SYNJ2: variants seen among roughly 807,000 people sequenced by gnomAD.
SYNJ2 encodes polyphosphatidylinositol phosphatase SYNJ2.
SYNJ2 carries 116 observed loss-of-function variants against 141.3 expected under a neutral mutation model. The ratio of observed to expected loss-of-function variants is 0.82; its 90% CI spans 0.71 to 0.96. The LOEUF (loss-of-function observed/expected upper bound fraction) is 0.96, where lower values mean the gene tolerates loss of function less well. Ranked by LOEUF, SYNJ2 falls within the 40% of genes least tolerant of loss-of-function variation. The probability of loss-of-function intolerance (pLI) is 0.00; values close to 1 mark genes in which losing one functional copy is unlikely to be tolerated. For synonymous variants in SYNJ2, 745 were observed against 777.7 expected, an observed-to-expected ratio of 0.96 and a Z score of 0.70; for missense variants, 1,873 against 1,934.8, an observed-to-expected ratio of 0.97 and a Z score of 0.60.
In SYNJ2 at chr6:158,089,927, G is replaced by A. The variant is rs1783328254; in HGVS notation, c.3545G>A (p.Cys1182Tyr). 6.2e-7 allele frequency: 1 copy of A among 1,613,952 alleles called. No homozygotes were observed. The highest frequency in any genetic ancestry group is 1.3e-5 in the African/African-American group (1 of 74,932). ...NAQEAEAAIRCLLEARGGASE... is the reference protein window; with the variant it reads ...NAQEAEAAIRYLLEARGGASE... ...CAGGAGGCAGAAGCAGCAATCCGGT[G>A]TCTCCTGGAAGCCAGAGGAGGTAGG... Residue 1182 changes from cysteine (C) to tyrosine (Y), a missense_variant, in exon 25 of 27, where the codon TGT becomes TAT. Coordinates refer to ENST00000355585, the MANE Select transcript of SYNJ2 (RefSeq NM_003898.4).
intron 1 of SYNJ2, among the ~76,000 whole-genome samples, chr6:158,002,934 A>G (rs572788542): frequency 2.0e-5 from 3 of 152,312 alleles, no homozygotes; most frequent in Admixed American, 2.0e-4. Context: ...AAACTCAACT[A>G]CAAAGACTCA....
chr6:158,020,897 C>T lies in SYNJ2; in HGVS notation c.214+3607C>T, dbSNP rs377510095. Among the ~76,000 whole-genome samples, 42 of 152,260 alleles carry T rather than the reference C, an allele frequency of 2.8e-4. 1 individual carries two copies. The South Asian group carries it at 8.5e-3, about 31-fold the overall frequency. On this transcript the variant is annotated intron_variant, in intron 2 of 26. Coordinates refer to ENST00000355585, the MANE Select transcript of SYNJ2 (RefSeq NM_003898.4). Reference sequence around the variant, plus strand: ...TAAATTAGCCTTTTACATTAGAAATCGAGAAATATGCACAAAAATTCATAA... The same window carrying T: ...TAAATTAGCCTTTTACATTAGAAATTGAGAAATATGCACAAAAATTCATAA...
intron 4 of SYNJ2, among the ~76,000 whole-genome samples, chr6:158,038,128 G>A (rs1779738835): frequency 6.6e-6 from 1 of 152,176 alleles, no homozygotes; most frequent in African/African-American, 2.4e-5. Flanking sequence ...CAGCTCCTGG[G>A]GTACAGCCCG....
chr6:158,098,862 T>A lies in SYNJ2; in HGVS notation c.*2498T>A, dbSNP rs1783918149. Reference sequence around the variant, plus strand: ...TAGTCCCTTTTACATCACCATCTTCTCAGACTTCTTGCCTATTCTTAAAAT... The same window carrying A: ...TAGTCCCTTTTACATCACCATCTTCACAGACTTCTTGCCTATTCTTAAAAT... On this transcript the variant is annotated 3_prime_UTR_variant, in exon 27 of 27. Coordinates refer to ENST00000355585, the MANE Select transcript of SYNJ2 (RefSeq NM_003898.4). 6.6e-6 allele frequency: 1 copy of A among 152,270 alleles called. No individual in the cohort carries two copies. Among genetic ancestry groups the A allele is most frequent in the South Asian group, 2.1e-4 (1 of 4,830 alleles). 9.4% of individuals were successfully genotyped at this position (152,270 alleles called of 1,614,324 possible). A position where few individuals can be genotyped will look rare whatever the true frequency, so the allele number is the denominator to read the frequency against.
At chr6:158,068,272 C>A (rs12205429) in intron 12 of SYNJ2, among the ~76,000 whole-genome samples, 2 of 152,030 alleles carry the variant, frequency 1.3e-5, no homozygotes, top group Non-Finnish European at 2.9e-5. Context: ...CCTAGCTGGA[C>A]CCTGGGGAGG....
intron 7 of SYNJ2, 151 bp downstream of exon 7, chr6:158,059,504 C>T (rs963182576): frequency 1.1e-5 from 16 of 1,438,206 alleles, no homozygotes; most frequent in Middle Eastern, 2.5e-4. Context: ...GACCAGTGAA[C>T]ACGGCAGTGC....
chr6:158,076,509 A>T, intron 16 of SYNJ2, 117 bp from the exon 17 acceptor site: 1 of 1,165,086 alleles, frequency 8.6e-7, no homozygotes, highest in South Asian at 1.6e-5. Flanking sequence ...TTTCAAATGT[A>T]ATGGAGCTTC....
intron 1 of SYNJ2, among the ~76,000 whole-genome samples, chr6:158,011,237 G>A (rs1342694747): frequency 6.6e-6 from 1 of 152,148 alleles, no homozygotes; most frequent in African/African-American, 2.4e-5. Flanking sequence ...AGAACAAGCA[G>A]CAAACACAAG....
In SYNJ2 at chr6:158,033,528, G is replaced by A. The variant is rs376191774; in HGVS notation, c.559G>A (p.Gly187Arg). 4.9e-5 allele frequency: 79 copies of A among 1,614,144 alleles called. No individual in the cohort carries two copies. The highest frequency in any genetic ancestry group is 6.7e-5 in the Admixed American group (4 of 60,028). Residue 187 changes from glycine to arginine, a missense_variant, in exon 4 of 27, where the codon GGG becomes AGG. Physicochemically the swap from Gly to Arg is moderately radical, Grantham distance 125 (BLOSUM62 -2). Transcript: ENST00000355585. ...CCDWLLKIIC[G>R]VVTIRTVYAS... ...TGACTGGCTGCTGAAGATCATCTGC[G>A]GGGTGGTCACCATCCGCACCGTGTA...
At chr6:158,086,682 C>T (rs935203332) in intron 22 of SYNJ2, among the ~76,000 whole-genome samples, 173 bp from the exon 23 acceptor site, 3 of 151,974 alleles carry the variant, frequency 2.0e-5, no homozygotes, top group East Asian at 3.9e-4. Flanking sequence ...CACTGGGTGC[C>T]CTCCCCGCCC....
At chr6:158,083,946 G>A (rs1278046646) in intron 21 of SYNJ2, 55 bp from the exon 22 acceptor site, 7 of 1,587,106 alleles carry the variant, frequency 4.4e-6, no homozygotes, top group Admixed American at 1.7e-5. Flanking sequence ...ATGGAAGACT[G>A]AGCCTTTCCC....
chr6:157,982,498 C>T lies in SYNJ2; in HGVS notation c.127+410C>T, dbSNP rs979617105. On this transcript the variant is annotated intron_variant, in intron 1 of 26. Transcript: ENST00000355585. The surrounding 1 kb of genome is among the most constrained non-coding windows in gnomAD (Gnocchi z 4.0). ...TTTGGTTTGTGTTGGCGGCTCCACT[C>T]CTGGAGGGGATGGGGACAAAAGCCC... Among the ~76,000 whole-genome samples, 10 of 152,180 alleles carry T rather than the reference C, an allele frequency of 6.6e-5. No individual in the cohort carries two copies. The highest frequency in any genetic ancestry group is 2.4e-4 in the African/African-American group (10 of 41,426).
At chr6:157,996,981 C>A (rs1279115733) in intron 1 of SYNJ2, among the ~76,000 whole-genome samples, 1 of 152,048 alleles carries the variant, frequency 6.6e-6, no homozygotes. Flanking sequence ...ACTAGTACAC[C>A]AAGGGTTGGC....
intron 26 of SYNJ2, among the ~76,000 whole-genome samples, chr6:158,093,451 A>AAAC (rs34664560): frequency 6.6e-3 from 660 of 99,830 alleles, no homozygotes; most frequent in Non-Finnish European, 9.3e-3. Flanking sequence ...AAAAAAAAAC[A>AAAC]AAAAAAAAAA....
chr6:157,995,216 T>C (rs1365259328), intron 1 of SYNJ2, among the ~76,000 whole-genome samples: 1 of 152,204 alleles, frequency 6.6e-6, no homozygotes, highest in Non-Finnish European at 1.5e-5. Flanking sequence ...GGCCTTTGAG[T>C]GTGTCTGTCT....
intron 1 of SYNJ2, among the ~76,000 whole-genome samples, chr6:157,998,718 C>T (rs879879): frequency 0.018 from 2,811 of 152,242 alleles, 48 homozygotes; most frequent in South Asian, 0.045. Context: ...AGGAAAGCAT[C>T]AAACTCAGAA....
chr6:158,016,369 C>T (rs149385181), intron 1 of SYNJ2, among the ~76,000 whole-genome samples: 2,705 of 152,280 alleles, frequency 0.018, 74 homozygotes, highest in African/African-American at 0.062. Context: ...CTGCCTTCGC[C>T]TCCCAAAGTG....
chr6:158,070,601 C>T lies in SYNJ2; in HGVS notation c.1940+928C>T, dbSNP rs1038381539. The T allele has an allele frequency of 7.9e-5, 59 of 743,354 alleles. No individual in the cohort carries two copies. The highest frequency in any genetic ancestry group is 3.6e-5 in the Non-Finnish European group (22 of 609,508). The allele number at this position is 743,354 out of a possible 1,614,324, so 46.0% of individuals were successfully genotyped here. On this transcript the variant is annotated intron_variant, in intron 14 of 26. Transcript: ENST00000355585. This position sits in a 1 kb window ranked among gnomAD's most constrained non-coding sequence, Gnocchi z 4.0. ...TGAGGAGAGCCAGGTTTCCCAGGCT[C>T]GGTGTCCTCGGCTTCACGTGCCTTT...
At chr6:158,028,289 G>A (rs1452296277) in intron 2 of SYNJ2, 1 of 179,766 alleles carries the variant, frequency 5.6e-6, no homozygotes, top group Non-Finnish European at 1.2e-5. Context: ...TGATGGAGTG[G>A]GGGAAGACAG....
Sources: allele counts gnomAD v4.1 joint callset (sites outside exome capture counted in the v4.1 genomes callset), GRCh38; gene constraint gnomAD v4.1.1; non-coding constraint Gnocchi (gnomAD v3.1); transcripts MANE v1.5; gene names NCBI Gene and HGNC (gene_info 2026-07-23, HGNC 2026-07-21).